The following ZDHHC14 variants were observed in gnomAD, a reference collection of about 807,000 sequenced individuals.
The protein encoded by ZDHHC14 is palmitoyltransferase ZDHHC14.
A neutral mutation model predicts 47.7 loss-of-function variants in ZDHHC14; 16 were observed. The ratio of observed to expected loss-of-function variants is 0.34; its 90% confidence interval spans 0.23 to 0.51. The LOEUF is 0.51. Among genes scored for constraint, ZDHHC14 ranks in the 20% least tolerant of loss-of-function variants. ZDHHC14 has a pLI of 0.97. For synonymous variants in ZDHHC14, 293 were observed against 278.9 expected, an observed-to-expected ratio of 1.05 and a Z score of -0.50; for missense variants, 515 against 662.5, an observed-to-expected ratio of 0.78 and a Z score of 2.44.
intron 2 of ZDHHC14, among the ~76,000 whole-genome samples, chr6:157,590,530 A>G (rs1208979214): frequency 2.6e-5 from 4 of 152,234 alleles, no homozygotes; most frequent in Admixed American, 2.6e-4. Context: ...GGTGCACAGA[A>G]GACAATAATT....
At position 157,593,149 on chromosome 6, in the gene ZDHHC14, G is replaced by T; in HGVS notation, c.565+3G>T. The T allele has an allele frequency of 1.2e-6, 2 of 1,609,528 alleles. No individual in the cohort carries two copies. The highest frequency in any genetic ancestry group is 2.2e-5 in the South Asian group (2 of 90,234). On this transcript the variant is annotated splice_donor_region_variant and intron_variant, in intron 3 of 8. Transcript: ENST00000359775. ...CAGCCTTTGTGATAACTGCGTAGGT[G>T]AGTAGTGCCTGGGCGGAGCCTGGCG...
intron 3 of ZDHHC14, among the ~76,000 whole-genome samples, chr6:157,612,608 G>A (rs964936686): frequency 6.6e-6 from 1 of 152,166 alleles, no homozygotes; most frequent in African/African-American, 2.4e-5. Context: ...GGTATACACT[G>A]GGGATGTGTG....
chr6:157,484,014 C>G (rs1779695445), intron 1 of ZDHHC14, among the ~76,000 whole-genome samples: 1 of 151,860 alleles, frequency 6.6e-6, no homozygotes. Flanking sequence ...GAGCTGGAGG[C>G]CATTATCCTA....
chr6:157,392,645 A>ATGTGTG (rs372653506), intron 1 of ZDHHC14, among the ~76,000 whole-genome samples: 4,647 of 147,294 alleles, frequency 0.032, 210 homozygotes, highest in African/African-American at 0.1. Flanking sequence ...TAAGAGAAAG[A>ATGTGTG]TGTGTGTGTG....
At chr6:157,414,537 C>T (rs1003615267) in intron 1 of ZDHHC14, among the ~76,000 whole-genome samples, 4 of 152,154 alleles carry the variant, frequency 2.6e-5, no homozygotes, top group African/African-American at 7.2e-5. Context: ...CTGAAGTTTC[C>T]AAGACAGTAT....
intron 1 of ZDHHC14, among the ~76,000 whole-genome samples, chr6:157,493,332 G>T (rs906079774): frequency 6.6e-6 from 1 of 152,234 alleles, no homozygotes; most frequent in Non-Finnish European, 1.5e-5. Flanking sequence ...AAGGGCGAGC[G>T]GGACGGTCTG....
chr6:157,510,255 A>AAAAT (rs959591505), intron 1 of ZDHHC14, among the ~76,000 whole-genome samples: 3 of 152,266 alleles, frequency 2.0e-5, no homozygotes, highest in South Asian at 2.1e-4. Flanking sequence ...AAAAATAAGT[A>AAAAT]AAATAAATAA....
At chr6:157,645,538 G>C (rs1777484904) in intron 5 of ZDHHC14, among the ~76,000 whole-genome samples, 199 bp from the exon 6 acceptor site, 1 of 152,196 alleles carries the variant, frequency 6.6e-6, no homozygotes, top group Non-Finnish European at 1.5e-5. Flanking sequence ...CGGGGCAGGT[G>C]ACACCCCCTG....
At chr6:157,579,904 A>G (rs1446693511) in intron 2 of ZDHHC14, among the ~76,000 whole-genome samples, 1 of 152,124 alleles carries the variant, frequency 6.6e-6, no homozygotes. Flanking sequence ...ACTGCTCTGG[A>G]CAGGACTTCC....
At chr6:157,616,450 G>A (rs573732225) in intron 3 of ZDHHC14, among the ~76,000 whole-genome samples, 1 of 152,280 alleles carries the variant, frequency 6.6e-6, no homozygotes, top group South Asian at 2.1e-4. Context: ...AGGTCCACAA[G>A]TGTCCAGGGG....
intron 1 of ZDHHC14, among the ~76,000 whole-genome samples, chr6:157,423,600 T>C (rs571356949): frequency 2.0e-5 from 3 of 152,352 alleles, no homozygotes; most frequent in African/African-American, 7.2e-5. Flanking sequence ...AGATTGGGTA[T>C]TCTGACCTCC....
intron 1 of ZDHHC14, among the ~76,000 whole-genome samples, chr6:157,425,025 C>T (rs1778189463): frequency 6.6e-6 from 1 of 152,138 alleles, no homozygotes; most frequent in Admixed American, 6.5e-5. Context: ...GTTTAAGACT[C>T]CCATTGTTAT....
chr6:157,453,788 T>TTTTTTTTTTTTGTGTGTGTGTG (rs3220439), intron 1 of ZDHHC14, among the ~76,000 whole-genome samples: 2 of 148,098 alleles, frequency 1.4e-5, no homozygotes, highest in African/African-American at 5.1e-5. Context: ...TTTTTGTGTT[T>TTTTTTTTTTTTGTGTGTGTGTG]TGTGTGTGTG....
chr6:157,466,294 G>A (rs1779215074), intron 1 of ZDHHC14, among the ~76,000 whole-genome samples: 2 of 152,138 alleles, frequency 1.3e-5, no homozygotes, highest in African/African-American at 4.8e-5. Flanking sequence ...ATGCAGCAAG[G>A]ACAGCTCGGT....
At chr6:157,580,428 T>G (rs1783469913) in intron 2 of ZDHHC14, among the ~76,000 whole-genome samples, 1 of 152,056 alleles carries the variant, frequency 6.6e-6, no homozygotes, top group Non-Finnish European at 1.5e-5. Context: ...TGGGGAAGAG[T>G]CCCTGCTCAT....
chr6:157,444,675 CA>C (rs34402178), intron 1 of ZDHHC14, among the ~76,000 whole-genome samples: 12,523 of 117,886 alleles, frequency 0.11, 512 homozygotes, highest in Middle Eastern at 0.16. Context: ...GAGACTCCGT[CA>C]AAAAAAAAAA....
chr6:157,571,745 A>C (rs1274458383), intron 2 of ZDHHC14, among the ~76,000 whole-genome samples: 1 of 151,346 alleles, frequency 6.6e-6, no homozygotes, highest in East Asian at 1.9e-4. Context: ...CCCCTCCTGC[A>C]GATAAGAATC....
chr6:157,382,557 C>G (rs1314815657), intron 1 of ZDHHC14, among the ~76,000 whole-genome samples: 1 of 152,120 alleles, frequency 6.6e-6, no homozygotes, highest in Non-Finnish European at 1.5e-5. Context: ...GTGGGGCCGC[C>G]GGTCCCTGAT....
intron 3 of ZDHHC14, among the ~76,000 whole-genome samples, chr6:157,614,405 G>C (rs1200588996): frequency 6.7e-6 from 1 of 149,872 alleles, no homozygotes; most frequent in East Asian, 1.9e-4. Context: ...ATCCATTTTA[G>C]AAAATGAAAA....
Sources: allele counts gnomAD v4.1 joint callset (sites outside exome capture counted in the v4.1 genomes callset), GRCh38; gene constraint gnomAD v4.1.1; transcripts MANE v1.5; gene names NCBI Gene and HGNC (gene_info 2026-07-23, HGNC 2026-07-21).